TASOR2: variants seen among roughly 807,000 people sequenced by gnomAD.
TASOR2 encodes protein TASOR 2.
Under a neutral mutation model 199.5 loss-of-function variants are expected in TASOR2, and 84 were observed. The observed-to-expected ratio is 0.42, with a 90% CI of 0.35 to 0.50. The LOEUF (loss-of-function observed/expected upper bound fraction) is 0.50, where lower values mean the gene tolerates loss of function less well. Ranked by LOEUF, TASOR2 falls within the 20% of genes least tolerant of loss-of-function variation. TASOR2 has a pLI of 0.02. For synonymous variants in TASOR2, 1,103 were observed against 1,046.6 expected (o/e 1.05, Z -1.04); for missense variants, 2,796 against 2,835.9 (o/e 0.99, Z 0.32).
intron 1 of TASOR2, among the ~76,000 whole-genome samples, chr10:5,708,485 T>C (rs1831422831): frequency 6.6e-6 from 1 of 152,138 alleles, no homozygotes; most frequent in Admixed American, 6.5e-5. Flanking sequence ...TCTTTGCAGA[T>C]TTTTCTTCCT....
rs1048170565 is a variant in TASOR2, at chr10:5,761,573, T to C, written c.7174+102T>C. Reference sequence around the variant, plus strand: ...GAAGAGTATCAGGTATCTAAATGGCTTGGCATCCCATGGATACCAGAATCA... The same window carrying C: ...GAAGAGTATCAGGTATCTAAATGGCCTGGCATCCCATGGATACCAGAATCA... On this transcript the variant is annotated intron_variant, in intron 19 of 20. Transcript: ENST00000328090. The C allele has an allele frequency of 5.9e-6, 6 of 1,023,662 alleles. No individual in the cohort carries two copies. The African/African-American group carries it at 6.4e-5, about 11-fold the overall frequency. 63.4% of individuals were successfully genotyped at this position (1,023,662 alleles called of 1,614,324 possible).
Position 5,748,156 on chromosome 10 carries a change from A to G in TASOR2, c.4735A>G (p.Arg1579Gly). The change falls in exon 15 of 21, where the codon AGA (arginine) becomes GGA (glycine). Residue 1579 changes from arginine (R) to glycine (G), a missense_variant. By Grantham distance (125) the Arg-to-Gly change is moderately radical. This residue lies in a region of TASOR2 where 1,941 missense variants were observed against 1,924.9 expected (regional missense o/e 1.01). Transcript: ENST00000328090. The surrounding 1 kb of genome is among the most constrained non-coding windows in gnomAD (Gnocchi z 5.1). ...GTCCAGTGAACCTCCATTTGGTCCT[A>G]GAAATGTTATTGAAAATAAGTCTTT... 1.2e-6 allele frequency: 2 copies of G among 1,614,254 alleles called. No individual in the cohort carries two copies. The highest frequency in any genetic ancestry group is 2.2e-5 in the South Asian group (2 of 91,090).
In TASOR2 at chr10:5,757,627, A is replaced by T. The variant is rs770659134; in HGVS notation, c.6840A>T (p.Gly2280=). ...CCTACCAAGAACTGTTTCGTGCAGG[A>T]GGCTTTGTGATATCAGATGACAAGA... The change falls in exon 17 of 21, where the codon GGA becomes GGT. Residue 2280 remains glycine (G), a synonymous_variant. Transcript: ENST00000328090. 5.2e-5 allele frequency: 84 copies of T among 1,613,834 alleles called. No individual in the cohort carries two copies. Among genetic ancestry groups the T allele is most frequent in the Non-Finnish European group, 6.7e-5 (79 of 1,179,958 alleles).
intron 8 of TASOR2, among the ~76,000 whole-genome samples, chr10:5,725,778 C>G (rs1305370288): frequency 3.3e-5 from 5 of 152,062 alleles, no homozygotes; most frequent in Non-Finnish European, 5.9e-5. Flanking sequence ...GATACCCTGT[C>G]TCTTAAAGAA....
At chr10:5,702,634 CA>C (rs1433436983) in intron 1 of TASOR2, among the ~76,000 whole-genome samples, 9 of 96,298 alleles carry the variant, frequency 9.3e-5, no homozygotes, top group East Asian at 6.3e-4. Flanking sequence ...CTAAAATGGT[CA>C]TTTTTTTTTT....
chr10:5,718,642 C>G lies in TASOR2; in HGVS notation c.-100+892C>G, dbSNP rs1364492162. Among the ~76,000 whole-genome samples the G allele has an allele frequency of 3.3e-5, 5 of 151,756 alleles. No homozygotes were observed. In the East Asian group the frequency reaches 5.8e-4, roughly 18 times the overall value. ...GACGTGGTGGCGGGTGCCTGTAATCCCAGCTACTTGGGAGGCTGAGGCAGG... is the reference window on the plus strand; with the variant it reads ...GACGTGGTGGCGGGTGCCTGTAATCGCAGCTACTTGGGAGGCTGAGGCAGG... On this transcript the variant is annotated intron_variant, in intron 3 of 20. Transcript: ENST00000328090.
intron 11 of TASOR2, among the ~76,000 whole-genome samples, chr10:5,733,716 TC>T (rs1471001282): frequency 6.6e-6 from 1 of 152,218 alleles, no homozygotes; most frequent in African/African-American, 2.4e-5. Context: ...TTAGAAAGTT[TC>T]CCCCTGGGTC....
In TASOR2 at chr10:5,685,483, GAT is replaced by G. The variant is rs1835707721; in HGVS notation, c.-288+311_-288+312del. On this transcript the variant is annotated intron_variant, in intron 1 of 20. Transcript: ENST00000328090. The surrounding 1 kb of genome is among the most constrained non-coding windows in gnomAD (Gnocchi z 5.4). Reference sequence around the variant, plus strand: ...GTCAGGGGACAGCTGCGTCCTCAGGGATATGCTGATAAGTTCTTGGCTGAAGT... The same window carrying G: ...GTCAGGGGACAGCTGCGTCCTCAGGGATGCTGATAAGTTCTTGGCTGAAGT... Among the ~76,000 whole-genome samples the G allele has an allele frequency of 6.6e-6, 1 of 152,204 alleles. No homozygotes were observed. Among genetic ancestry groups the G allele is most frequent in the Admixed American group, 6.5e-5 (1 of 15,282 alleles).
rs749069455 is a variant in TASOR2 at position 5,748,801 on chromosome 10, A to G, written c.5380A>G (p.Ile1794Val). The change falls in exon 15 of 21, where the codon ATT becomes GTT. Residue 1794 changes from isoleucine (I) to valine (V), a missense_variant. By Grantham distance (29) the Ile-to-Val change is conservative. This residue lies in a region of TASOR2 where 1,941 missense variants were observed against 1,924.9 expected (regional missense o/e 1.01). Coordinates refer to ENST00000328090, the Ensembl canonical transcript of TASOR2. The surrounding 1 kb of genome is among the most constrained non-coding windows in gnomAD (Gnocchi z 5.1). ...TGGAATAGCCACAGAGCACGTAGAA[A>G]TTGAGAACAGTGGGGAGGGGCTCAG... is the stretch of plus-strand genomic sequence containing the variant. 3.1e-6 allele frequency: 5 copies of G among 1,614,072 alleles called. No homozygotes were observed. The African/African-American group carries it at 5.3e-5, about 17-fold the overall frequency.
chr10:5,697,011 G>A (rs1017260533), intron 1 of TASOR2, among the ~76,000 whole-genome samples: 1 of 151,990 alleles, frequency 6.6e-6, no homozygotes, highest in Non-Finnish European at 1.5e-5. Flanking sequence ...AAAATTAGAG[G>A]GCCAACCAAG....
rs999118831 is a variant in TASOR2, at chr10:5,737,423, A to G, written c.1447+1877A>G. Among the ~76,000 whole-genome samples the G allele has an allele frequency of 6.6e-6, 1 of 150,932 alleles. No individual in the cohort carries two copies. Among genetic ancestry groups the G allele is most frequent in the African/African-American group, 2.4e-5 (1 of 40,942 alleles). On this transcript the variant is annotated intron_variant, in intron 12 of 20. Transcript: ENST00000328090. The surrounding 1 kb of genome is among the most constrained non-coding windows in gnomAD (Gnocchi z 4.9). Reference sequence around the variant, plus strand: ...GCTGCAGTTTTGGCTTCCATACCAGATTTGAGCTCTTCTGCTTGTCCCTCT... The same window carrying G: ...GCTGCAGTTTTGGCTTCCATACCAGGTTTGAGCTCTTCTGCTTGTCCCTCT...
At chr10:5,762,622 C>A in exon 20 of TASOR2, 1 of 1,465,876 alleles carries the variant, frequency 6.8e-7, no homozygotes, top group South Asian at 1.2e-5. Flanking sequence ...GAAAAAATAG[C>A]AGCTCCATTT....
rs1263084329 is a variant in TASOR2 at position 5,722,858 on chromosome 10, A to AT, written c.147-817dup. Among the ~76,000 whole-genome samples the AT allele has an allele frequency of 6.6e-6, 1 of 151,522 alleles. No individual in the cohort carries two copies. Among genetic ancestry groups the AT allele is most frequent in the East Asian group, 2.0e-4 (1 of 5,006 alleles). ...CGCTGTCTCCACTGAAAATACAAAA[A>AT]TTAGCTGGGCATGGTGCGGCATGCT... On this transcript the variant is annotated intron_variant, in intron 6 of 20. Coordinates refer to ENST00000328090, the Ensembl canonical transcript of TASOR2. The surrounding 1 kb of genome is among the most constrained non-coding windows in gnomAD (Gnocchi z 4.0).
At chr10:5,718,849 C>G (rs1193770808) in intron 3 of TASOR2, among the ~76,000 whole-genome samples, 1 of 151,258 alleles carries the variant, frequency 6.6e-6, no homozygotes, top group African/African-American at 2.4e-5. Flanking sequence ...TTTTCTTGCT[C>G]TGCGATGAGT....
intron 3 of TASOR2, 142 bp downstream of exon 4, chr10:5,717,892 T>C: frequency 2.6e-6 from 1 of 387,924 alleles, no homozygotes; most frequent in East Asian, 3.8e-5. Flanking sequence ...CTATTTTTCC[T>C]TTTCTTTAAA....
chr10:5,692,692 G>T (rs1026230031), intron 1 of TASOR2: 1 of 152,202 alleles, frequency 6.6e-6, no homozygotes, highest in Non-Finnish European at 1.5e-5. Context: ...CCCTCGTTCT[G>T]TGGGGTCCGT....
rs1018426714 is a variant in TASOR2 at position 5,761,607 on chromosome 10, TGCTGAA to T, written c.7174+145_7174+150del. On this transcript the variant is annotated intron_variant, in intron 19 of 20. Coordinates refer to ENST00000328090, the Ensembl canonical transcript of TASOR2. ...CATGGATACCAGAATCACCCAAATC[TGCTGAA>T]GCTGAAGCCCTTATATAAAATGTAG... 8 of 706,470 alleles carry T rather than the reference TGCTGAA, an allele frequency of 1.1e-5. 1 individual carries two copies. The highest frequency in any genetic ancestry group is 1.0e-4 in the Admixed American group (4 of 38,290). 43.8% of individuals were successfully genotyped at this position (706,470 alleles called of 1,614,324 possible). A position where few individuals can be genotyped will look rare whatever the true frequency, so the allele number is the denominator to read the frequency against.
chr10:5,730,979 A>G lies in TASOR2; in HGVS notation c.980A>G (p.Glu327Gly). Residue 327 changes from glutamate (E) to glycine (G), a missense_variant, in exon 11 of 21, where the codon GAA (glutamate) becomes GGA (glycine). Glu to Gly is a moderately conservative substitution (Grantham distance 98). Around this residue, in one of 3 missense-constraint regions of TASOR2, gnomAD observed 847 missense variants for 887.4 expected, o/e 0.95. Transcript: ENST00000328090. This position sits in a 1 kb window ranked among gnomAD's most constrained non-coding sequence, Gnocchi z 4.1. Reference sequence around the variant, plus strand: ...GAAACTGAAACAAAAAAGGATTCTGAAGAAATGTTGAAAGCAAAGAAGAGA... The same window carrying G: ...GAAACTGAAACAAAAAAGGATTCTGGAGAAATGTTGAAAGCAAAGAAGAGA... 1 of 1,614,082 alleles carries G rather than the reference A, an allele frequency of 6.2e-7. No individual in the cohort carries two copies. The highest frequency in any genetic ancestry group is 8.5e-7 in the Non-Finnish European group (1 of 1,180,016).
Position 5,754,639 on chromosome 10 carries a change from TCTTG to T in TASOR2, c.6607-1969_6607-1966del, listed in dbSNP as rs1215869316. On this transcript the variant is annotated intron_variant, in intron 15 of 20. Transcript: ENST00000328090. This position sits in a 1 kb window ranked among gnomAD's most constrained non-coding sequence, Gnocchi z 4.3. ...TCCATAGCAGGAGTTCTTCTAGATA[TCTTG>T]CTTGTTTCTATAGTGAATGTATTGT... Among the ~76,000 whole-genome samples the T allele has an allele frequency of 2.0e-5, 3 of 152,100 alleles. No individual in the cohort carries two copies. Among genetic ancestry groups the T allele is most frequent in the Non-Finnish European group, 4.4e-5 (3 of 68,002 alleles).
Sources: allele counts gnomAD v4.1 joint callset (sites outside exome capture counted in the v4.1 genomes callset), GRCh38; gene constraint gnomAD v4.1.1; regional missense constraint gnomAD v4.1.1; non-coding constraint Gnocchi (gnomAD v3.1); transcripts MANE v1.5; gene names NCBI Gene and HGNC (gene_info 2026-07-23, HGNC 2026-07-21).